Variants in SHISA9 observed in about 807,000 individuals in gnomAD.
SHISA9 encodes the protein protein shisa-9.
In SHISA9, 13 loss-of-function variants were observed where a neutral mutation model predicts 38.0. The observed-to-expected ratio is 0.34, with a 90% CI of 0.22 to 0.54. SHISA9 has a LOEUF of 0.54. Ranked by LOEUF, SHISA9 falls within the 20% of genes least tolerant of loss-of-function variation. The pLI is 0.91. For synonymous variants in SHISA9, 275 were observed against 242.0 expected (o/e 1.14, Z -1.27); for missense variants, 538 against 575.8 (o/e 0.93, Z 0.67).
chr16:13,420,943 G>C, the SHISA9 span, among the ~76,000 whole-genome samples: 1 of 152,212 alleles, frequency 6.6e-6, no homozygotes, highest in Non-Finnish European at 1.5e-5. Flanking sequence ...GAAACAGCTA[G>C]ATTTTGCTTC....
the SHISA9 span, among the ~76,000 whole-genome samples, chr16:13,468,516 C>G: frequency 6.6e-6 from 1 of 152,226 alleles, no homozygotes; most frequent in African/African-American, 2.4e-5. Context: ...TACTTCCATA[C>G]TTTCATTTCT....
chr16:13,198,579 C>T (rs2050973009), intron 2 of SHISA9, among the ~76,000 whole-genome samples: 1 of 152,056 alleles, frequency 6.6e-6, no homozygotes, highest in South Asian at 2.1e-4. Flanking sequence ...CTCCAATCTG[C>T]ATTTTTTTTT....
the SHISA9 span, among the ~76,000 whole-genome samples, chr16:13,380,284 A>T: frequency 5.9e-3 from 900 of 152,302 alleles, 14 homozygotes; most frequent in African/African-American, 0.021. Flanking sequence ...CAGTGCTGAG[A>T]ACAAAAAAGT....
chr16:13,030,744 A>C (rs909287965), intron 2 of SHISA9, among the ~76,000 whole-genome samples: 29 of 152,228 alleles, frequency 1.9e-4, no homozygotes, highest in African/African-American at 6.5e-4. Flanking sequence ...GATGAATAAA[A>C]TATGGTAGGA....
the SHISA9 span, among the ~76,000 whole-genome samples, chr16:13,497,069 G>A: frequency 1.5e-3 from 223 of 152,114 alleles, 1 homozygote; most frequent in Admixed American, 2.8e-3. Flanking sequence ...AGAGATATGA[G>A]GAAAAACAGG....
the SHISA9 span, among the ~76,000 whole-genome samples, chr16:13,312,403 T>TC: frequency 8.5e-5 from 13 of 152,140 alleles, no homozygotes; most frequent in Non-Finnish European, 1.3e-4. Context: ...AATCCTCCTG[T>TC]CCCCCCCTCA....
chr16:13,363,063 G>A, the SHISA9 span, among the ~76,000 whole-genome samples: 8 of 152,152 alleles, frequency 5.3e-5, no homozygotes, highest in African/African-American at 1.9e-4. Flanking sequence ...GAAAATGCTC[G>A]ACCATGTGAT....
intron 2 of SHISA9, among the ~76,000 whole-genome samples, chr16:13,178,657 G>A (rs879705701): frequency 2.0e-5 from 3 of 152,148 alleles, no homozygotes; most frequent in African/African-American, 4.8e-5. Flanking sequence ...TGCTAGTGCC[G>A]GGGACCTGGG....
At chr16:13,126,128 A>C (rs1230351603) in intron 2 of SHISA9, among the ~76,000 whole-genome samples, 2 of 152,210 alleles carry the variant, frequency 1.3e-5, no homozygotes, top group African/African-American at 4.8e-5. Context: ...TCAGTGGTAT[A>C]TGGAGGCTCA....
chr16:13,039,569 G>A (rs976014808), intron 2 of SHISA9, among the ~76,000 whole-genome samples: 38 of 149,966 alleles, frequency 2.5e-4, no homozygotes, highest in Non-Finnish European at 5.9e-5. Context: ...GAGAAACACA[G>A]AGTATAATAT....
chr16:13,370,970 C>G, the SHISA9 span, among the ~76,000 whole-genome samples: 2 of 152,058 alleles, frequency 1.3e-5, no homozygotes, highest in Non-Finnish European at 2.9e-5. Context: ...TAAAGGGCAC[C>G]CAAATAAATT....
At chr16:13,463,120 C>T in the SHISA9 span, among the ~76,000 whole-genome samples, 1 of 152,128 alleles carries the variant, frequency 6.6e-6, no homozygotes, top group African/African-American at 2.4e-5. Context: ...AGTGCCATTG[C>T]ACTCTGTTTT....
chr16:13,001,735 A>G (rs375236269), intron 2 of SHISA9, among the ~76,000 whole-genome samples: 1 of 152,250 alleles, frequency 6.6e-6, no homozygotes, highest in African/African-American at 2.4e-5. Flanking sequence ...TCGGAAGAAA[A>G]GAATGTAAAC....
chr16:13,108,678 A>G (rs2073949554), intron 2 of SHISA9, among the ~76,000 whole-genome samples: 1 of 152,348 alleles, frequency 6.6e-6, no homozygotes, highest in African/African-American at 2.4e-5. Context: ...GAAAAAAATC[A>G]GCGTATGAAT....
chr16:13,337,743 T>G, the SHISA9 span, among the ~76,000 whole-genome samples: 2 of 152,158 alleles, frequency 1.3e-5, no homozygotes, highest in African/African-American at 4.8e-5. Flanking sequence ...GGGAGGTGAT[T>G]GGATCATGGG....
At chr16:13,030,710 T>A (rs2072980505) in intron 2 of SHISA9, among the ~76,000 whole-genome samples, 1 of 152,206 alleles carries the variant, frequency 6.6e-6, no homozygotes, top group African/African-American at 2.4e-5. Context: ...CCACAGGCAC[T>A]AACGGGCAGC....
chr16:13,475,891 C>A, the SHISA9 span, among the ~76,000 whole-genome samples: 8 of 152,060 alleles, frequency 5.3e-5, no homozygotes, highest in Admixed American at 1.3e-4. Flanking sequence ...AGGGTTCGTG[C>A]TCCTATGAGA....
chr16:12,935,150 A>C (rs1009812728), intron 2 of SHISA9, among the ~76,000 whole-genome samples: 1 of 152,214 alleles, frequency 6.6e-6, no homozygotes, highest in Non-Finnish European at 1.5e-5. Context: ...CCAAAACTGC[A>C]CATAGTGAGG....
chr16:13,353,396 A>G, the SHISA9 span, among the ~76,000 whole-genome samples: 2 of 152,228 alleles, frequency 1.3e-5, no homozygotes. Flanking sequence ...TAGTCCTGCC[A>G]GCAAAGATCA....
Sources: gnomAD v4.1 joint callset for allele counts (sites outside exome capture counted in the v4.1 genomes callset) on GRCh38, gnomAD v4.1.1 for gene constraint, MANE v1.5 for transcripts, NCBI Gene and HGNC (gene_info 2026-07-23, HGNC 2026-07-21) for gene names.